The following HS3ST4 variants were observed in gnomAD, a reference collection of about 807,000 sequenced individuals.
The protein encoded by HS3ST4 is heparan sulfate glucosamine 3-O-sulfotransferase 4.
Under a neutral mutation model 29.2 loss-of-function variants are expected in HS3ST4, and 17 were observed. That is an observed-to-expected ratio of 0.58 (90% CI 0.40 to 0.87). HS3ST4 has a LOEUF of 0.87. HS3ST4 is among the 40% of genes least tolerant of loss of function. The probability of loss-of-function intolerance (pLI) is 0.00; values close to 1 mark genes in which losing one functional copy is unlikely to be tolerated. For missense variants in HS3ST4, 627 were observed against 634.5 expected (o/e 0.99, Z 0.13); for synonymous variants, 314 against 285.7 (o/e 1.10, Z -1.00).
At chr16:25,693,983 C>A (rs887974189) in intron 1 of HS3ST4, among the ~76,000 whole-genome samples, 1 of 152,226 alleles carries the variant, frequency 6.6e-6, no homozygotes, top group Non-Finnish European at 1.5e-5. Context: ...AATAATCCAG[C>A]TTTCCTGCCA....
intron 1 of HS3ST4, among the ~76,000 whole-genome samples, chr16:26,099,176 A>G (rs1031160536): frequency 6.6e-6 from 1 of 152,160 alleles, no homozygotes; most frequent in Non-Finnish European, 1.5e-5. Context: ...TTTTTTAGAG[A>G]CAGGGTCTTG....
At chr16:25,723,999 A>C (rs1291863935) in intron 1 of HS3ST4, among the ~76,000 whole-genome samples, 1 of 151,762 alleles carries the variant, frequency 6.6e-6, no homozygotes, top group Non-Finnish European at 1.5e-5. Context: ...CTGTAATCAT[A>C]GCTACTCAGG....
intron 1 of HS3ST4, among the ~76,000 whole-genome samples, chr16:25,963,728 A>G (rs1241745856): frequency 6.6e-6 from 1 of 152,244 alleles, no homozygotes; most frequent in African/African-American, 2.4e-5. Flanking sequence ...ACCTGCAGGT[A>G]TTTTAGCTGA....
chr16:25,928,524 C>G (rs1392394525), intron 1 of HS3ST4, among the ~76,000 whole-genome samples: 1 of 152,162 alleles, frequency 6.6e-6, no homozygotes, highest in Non-Finnish European at 1.5e-5. Flanking sequence ...AACAAGCACA[C>G]CTCCAGACCA....
At chr16:25,932,976 A>G (rs1262626264) in intron 1 of HS3ST4, among the ~76,000 whole-genome samples, 1 of 152,226 alleles carries the variant, frequency 6.6e-6, no homozygotes, top group Admixed American at 6.5e-5. Flanking sequence ...TTAGCTGTCA[A>G]TGATGGCAGG....
chr16:25,894,477 G>A (rs139197441), intron 1 of HS3ST4, among the ~76,000 whole-genome samples: 54 of 151,710 alleles, frequency 3.6e-4, no homozygotes, highest in African/African-American at 1.3e-3. Context: ...GGCGTCCTGT[G>A]GTGTAGGCCT....
intron 1 of HS3ST4, among the ~76,000 whole-genome samples, chr16:26,033,492 G>A (rs1234441003): frequency 6.7e-6 from 1 of 150,144 alleles, no homozygotes; most frequent in East Asian, 2.0e-4. Context: ...TCCAGCATGG[G>A]TGACTGTGTG....
At position 25,832,746 on chromosome 16, in the gene HS3ST4, G is replaced by A. The variant is rs577408437; in HGVS notation, c.734+139595G>A. 2.6e-4 allele frequency among the ~76,000 whole-genome samples: 40 copies of A among 152,216 alleles called. No individual in the cohort carries two copies. The South Asian group carries it at 6.0e-3, about 23-fold the overall frequency. On this transcript the variant is annotated intron_variant, in intron 1 of 1. Transcript: ENST00000331351. ...ATTTCTTTGTCAAACAAAAAGTACT[G>A]ATTACCTTAGAAAGGATATTAATAT...
At chr16:26,087,469 G>A (rs953995180) in intron 1 of HS3ST4, among the ~76,000 whole-genome samples, 5 of 152,084 alleles carry the variant, frequency 3.3e-5, no homozygotes, top group African/African-American at 1.2e-4. Context: ...CTGGCATTCC[G>A]TTGACCTATC....
In HS3ST4 at chr16:25,939,482, C is replaced by T. The variant is rs1282438635; in HGVS notation, c.735-196130C>T. On this transcript the variant is annotated intron_variant, in intron 1 of 1. Coordinates refer to ENST00000331351, the MANE Select transcript of HS3ST4 (RefSeq NM_006040.3). ...CCTCCCGAGTAGCTGGGATTACAGG[C>T]GCCCACTACCATGCCTGGCTAATTT... Among the ~76,000 whole-genome samples, 5 of 151,850 alleles carry T rather than the reference C, an allele frequency of 3.3e-5. No homozygotes were observed. The East Asian group carries it at 5.8e-4, about 18-fold the overall frequency.
intron 1 of HS3ST4, among the ~76,000 whole-genome samples, chr16:25,881,831 C>G (rs1324413768): frequency 6.6e-6 from 1 of 152,132 alleles, no homozygotes; most frequent in Non-Finnish European, 1.5e-5. Context: ...ACAGGGGTTT[C>G]TCACACTGAG....
At chr16:26,115,350 T>C (rs912200211) in intron 1 of HS3ST4, among the ~76,000 whole-genome samples, 4 of 152,084 alleles carry the variant, frequency 2.6e-5, no homozygotes, top group East Asian at 3.9e-4. Flanking sequence ...GTTTTTCCTT[T>C]GGGTAGCATA....
At chr16:25,770,926 C>T (rs1254736505) in intron 1 of HS3ST4, among the ~76,000 whole-genome samples, 2 of 151,996 alleles carry the variant, frequency 1.3e-5, no homozygotes, top group African/African-American at 2.4e-5. Flanking sequence ...ACTTTGGGTC[C>T]TCAGGATGAT....
chr16:25,928,035 C>CA (rs767016845), intron 1 of HS3ST4, among the ~76,000 whole-genome samples: 16,273 of 50,832 alleles, frequency 0.32, 2,448 homozygotes, highest in African/African-American at 0.45. Flanking sequence ...CCCATCTCGA[C>CA]AAAAAAAAAA....
intron 1 of HS3ST4, among the ~76,000 whole-genome samples, chr16:26,067,174 A>G (rs1380548264): frequency 6.6e-6 from 1 of 152,164 alleles, no homozygotes; most frequent in Non-Finnish European, 1.5e-5. Context: ...ATTGCAATTG[A>G]AATAAAAATA....
chr16:25,798,716 C>T (rs953374496), intron 1 of HS3ST4, among the ~76,000 whole-genome samples: 4 of 152,112 alleles, frequency 2.6e-5, no homozygotes, highest in Non-Finnish European at 5.9e-5. Context: ...GGAGAAAAAT[C>T]GGAATTTTAA....
chr16:25,797,278 A>G (rs1966891960), intron 1 of HS3ST4, among the ~76,000 whole-genome samples: 1 of 152,224 alleles, frequency 6.6e-6, no homozygotes. Flanking sequence ...ATGTATTTAT[A>G]TCCTTAATCT....
chr16:25,715,051 G>A (rs562706065), intron 1 of HS3ST4, among the ~76,000 whole-genome samples: 19 of 151,956 alleles, frequency 1.3e-4, no homozygotes, highest in South Asian at 4.2e-4. Context: ...GGCCGGGCGC[G>A]GTGGCTCACG....
At chr16:25,736,235 A>C (rs983106711) in intron 1 of HS3ST4, among the ~76,000 whole-genome samples, 4 of 152,208 alleles carry the variant, frequency 2.6e-5, no homozygotes, top group African/African-American at 4.8e-5. Flanking sequence ...TTGGAAGAAC[A>C]TGTTTTTGAG....
Sources: gnomAD v4.1 joint callset for allele counts (sites outside exome capture counted in the v4.1 genomes callset) on GRCh38, gnomAD v4.1.1 for gene constraint, MANE v1.5 for transcripts, NCBI Gene and HGNC (gene_info 2026-07-23, HGNC 2026-07-21) for gene names.